TXLNB: variants seen among roughly 807,000 people sequenced by gnomAD.
TXLNB encodes beta-taxilin.
A neutral mutation model predicts 57.4 loss-of-function variants in TXLNB; 37 were observed. The ratio of observed to expected loss-of-function variants is 0.64; its 90% CI spans 0.50 to 0.85. The LOEUF (loss-of-function observed/expected upper bound fraction) is 0.85. Ranked by LOEUF, TXLNB falls within the 40% of genes least tolerant of loss-of-function variation. The probability of loss-of-function intolerance (pLI) is 0.00; values close to 1 mark genes in which losing one functional copy is unlikely to be tolerated. For synonymous variants in TXLNB, 302 were observed against 309.6 expected, an observed-to-expected ratio of 0.98 and a Z score of 0.26; for missense variants, 848 against 825.6, an observed-to-expected ratio of 1.03 and a Z score of -0.33.
chr6:139,269,479 A>T (rs1013231540), intron 4 of TXLNB, among the ~76,000 whole-genome samples: 1 of 152,206 alleles, frequency 6.6e-6, no homozygotes, highest in Non-Finnish European at 1.5e-5. Context: ...CGCCAGTAGC[A>T]CATCTAAAAC....
chr6:139,164,087 C>CTCTT, the TXLNB span, among the ~76,000 whole-genome samples: 1 of 151,544 alleles, frequency 6.6e-6, no homozygotes, highest in Non-Finnish European at 1.5e-5. Flanking sequence ...CACACTCTCT[C>CTCTT]TCTCTCTCTC....
chr6:139,167,403 G>T, the TXLNB span: 1 of 1,226,048 alleles, frequency 8.2e-7, no homozygotes, highest in Non-Finnish European at 1.1e-6. Flanking sequence ...CTCTATTTTG[G>T]TGTAGTTTTC....
At chr6:139,292,406 A>T (rs1181764450), upstream of TXLNB, among the ~76,000 whole-genome samples, 1 of 152,086 alleles carries the variant, frequency 6.6e-6, no homozygotes, top group Non-Finnish European at 1.5e-5. This position sits in a 1 kb window ranked among gnomAD's most constrained non-coding sequence, Gnocchi z 4.0. Context: ...AGTGTGGTGG[A>T]AGATTCATCT....
the TXLNB span, among the ~76,000 whole-genome samples, chr6:139,163,352 CTTTTTTTT>C: frequency 0.048 from 6,835 of 142,396 alleles, 169 homozygotes; most frequent in African/African-American, 0.064. Context: ...GTTCTCCATT[CTTTTTTTT>C]TTTTTTTTTT....
At chr6:139,244,518 C>T in intron 9 of TXLNB, 77 bp downstream of exon 9, 5 of 977,898 alleles carry the variant, frequency 5.1e-6, no homozygotes, top group Non-Finnish European at 8.1e-6. Context: ...GTACTATTAC[C>T]AGGTTATAAT....
At chr6:139,319,189 G>A in the TXLNB span, among the ~76,000 whole-genome samples, 6 of 151,578 alleles carry the variant, frequency 4.0e-5, no homozygotes, top group African/African-American at 1.2e-4. Context: ...TGATCTGCCC[G>A]CCTCGGCCTC....
chr6:139,310,624 G>T, the TXLNB span, among the ~76,000 whole-genome samples: 1 of 152,196 alleles, frequency 6.6e-6, no homozygotes, highest in East Asian at 1.9e-4. Context: ...TATTAAAAAG[G>T]ACAAGTATAT....
rs1421595204 is a variant in TXLNB, at chr6:139,281,640, C to T, written c.425-4719G>A. ...CTCGGCTCACTGCAAGCTCCGCCTC[C>T]CGGGTTCACGCCATTCTCCTGCCTC... On this transcript the variant is annotated intron_variant, in intron 2 of 9. Coordinates refer to ENST00000358430, the MANE Select transcript of TXLNB (RefSeq NM_153235.4). Among the ~76,000 whole-genome samples the T allele has an allele frequency of 5.4e-4, 57 of 105,964 alleles. 7 individuals carry two copies. Among genetic ancestry groups the T allele is most frequent in the South Asian group, 3.2e-3 (11 of 3,394 alleles). 69.5% of individuals were successfully genotyped at this position (105,964 alleles called of 152,430 possible). A position where few individuals can be genotyped will look rare whatever the true frequency, so the allele number is the denominator to read the frequency against.
intron 3 of TXLNB, among the ~76,000 whole-genome samples, chr6:139,274,260 T>C (rs1391133769): frequency 6.6e-6 from 1 of 152,170 alleles, no homozygotes; most frequent in African/African-American, 2.4e-5. Flanking sequence ...CAAGGATGAG[T>C]GAGCTAGAGT....
chr6:139,164,653 A>T, the TXLNB span, among the ~76,000 whole-genome samples: 1 of 152,290 alleles, frequency 6.6e-6, no homozygotes, highest in East Asian at 1.9e-4. Flanking sequence ...ACGGAAATGC[A>T]AGCAAGAATG....
chr6:139,169,486 C>T, the TXLNB span: 3 of 152,200 alleles, frequency 2.0e-5, no homozygotes, highest in African/African-American at 7.2e-5. Context: ...GGAAAGGGAG[C>T]TGAAATTGCA....
the TXLNB span, among the ~76,000 whole-genome samples, chr6:139,320,933 C>G: frequency 6.6e-6 from 1 of 152,196 alleles, no homozygotes; most frequent in Non-Finnish European, 1.5e-5. Flanking sequence ...ATATTCCACT[C>G]TAAGGCAACT....
the TXLNB span, among the ~76,000 whole-genome samples, chr6:139,319,991 CAT>C: frequency 2.0e-5 from 3 of 151,720 alleles, no homozygotes; most frequent in East Asian, 5.8e-4. Context: ...AGCTTATGGC[CAT>C]ATATATATAA....
At chr6:139,194,302 A>G in the TXLNB span, among the ~76,000 whole-genome samples, 5 of 152,212 alleles carry the variant, frequency 3.3e-5, no homozygotes, top group Non-Finnish European at 5.9e-5. Flanking sequence ...TCAATGAGAC[A>G]GGAGTATACT....
chr6:139,306,320 G>C, the TXLNB span, among the ~76,000 whole-genome samples: 5 of 152,164 alleles, frequency 3.3e-5, no homozygotes, highest in African/African-American at 1.2e-4. Flanking sequence ...TAGAGACAGA[G>C]GAAAAGTTTT....
the TXLNB span, among the ~76,000 whole-genome samples, chr6:139,181,502 C>G: frequency 0.54 from 82,726 of 152,024 alleles, 23,444 homozygotes; most frequent in Non-Finnish European, 0.58. Flanking sequence ...CTAGATGAGT[C>G]CCGGTATTGC....
the TXLNB span, among the ~76,000 whole-genome samples, chr6:139,186,985 C>T: frequency 2.6e-5 from 4 of 152,130 alleles, no homozygotes; most frequent in Non-Finnish European, 4.4e-5. Context: ...AAAATGATTG[C>T]AAAGGGCATG....
At chr6:139,268,151 CAAAAAAAA>C (rs59647726) in intron 4 of TXLNB, among the ~76,000 whole-genome samples, 1 of 64,520 alleles carries the variant, frequency 1.5e-5, no homozygotes, top group Admixed American at 1.8e-4. Context: ...CTCCATCTCA[CAAAAAAAA>C]AAAAAAAAAA....
the TXLNB span, among the ~76,000 whole-genome samples, chr6:139,201,246 T>G: frequency 6.6e-6 from 1 of 152,328 alleles, no homozygotes; most frequent in African/African-American, 2.4e-5. Flanking sequence ...GGCCAGTGTT[T>G]TGGACTGAGC....
Sources: allele counts gnomAD v4.1 joint callset (sites outside exome capture counted in the v4.1 genomes callset), GRCh38; gene constraint gnomAD v4.1.1; non-coding constraint Gnocchi (gnomAD v3.1); transcripts MANE v1.5; gene names NCBI Gene and HGNC (gene_info 2026-07-23, HGNC 2026-07-21).